The following CTDP1 variants were observed in gnomAD, a reference collection of about 807,000 sequenced individuals.
CTDP1 encodes RNA polymerase II subunit A C-terminal domain phosphatase.
CTDP1 carries 47 observed loss-of-function variants against 91.8 expected under a neutral mutation model. That is an observed-to-expected ratio of 0.51 (90% CI 0.41 to 0.65). The LOEUF is 0.65. Among genes scored for constraint, CTDP1 ranks in the 30% least tolerant of loss-of-function variants. CTDP1 has a pLI of 0.00. For missense variants in CTDP1, 1,272 were observed against 1,373.7 expected (o/e 0.93, Z 1.17); for synonymous variants, 656 against 598.5 (o/e 1.10, Z -1.40).
intron 1 of CTDP1, chr18:79,681,466 G>A: frequency 1.0e-6 from 1 of 985,428 alleles, no homozygotes; most frequent in Non-Finnish European, 1.2e-6. Context: ...CCCTACTGAG[G>A]TTTCATTCTG....
intron 2 of CTDP1, 87 bp from the exon 3 acceptor site, chr18:79,695,890 C>T (rs923563182): frequency 2.5e-5 from 26 of 1,057,882 alleles, no homozygotes; most frequent in Non-Finnish European, 3.5e-5. Flanking sequence ...GTTAAAACAT[C>T]AGCTAGAATC....
chr18:79,712,764 A>G (rs1007451262), intron 6 of CTDP1, among the ~76,000 whole-genome samples: 1 of 152,212 alleles, frequency 6.6e-6, no homozygotes, highest in Non-Finnish European at 1.5e-5. Flanking sequence ...CTCCTGCCTG[A>G]AGGAGAATCG....
chr18:79,719,130 T>A (rs529106946), intron 10 of CTDP1, among the ~76,000 whole-genome samples: 174 of 152,358 alleles, frequency 1.1e-3, no homozygotes, highest in Middle Eastern at 6.8e-3. Context: ...CCCAGCCGGC[T>A]TTCGGGAGAG....
chr18:79,682,537 C>G (rs758186942), intron 1 of CTDP1, among the ~76,000 whole-genome samples: 2 of 152,196 alleles, frequency 1.3e-5, no homozygotes, highest in Non-Finnish European at 2.9e-5. Context: ...AGCTAACCCT[C>G]GAACAACTTG....
At chr18:79,704,457 C>T (rs546806334) in intron 4 of CTDP1, among the ~76,000 whole-genome samples, 14 of 151,472 alleles carry the variant, frequency 9.2e-5, no homozygotes, top group African/African-American at 2.4e-4. Context: ...TACACGCACA[C>T]GTGTCCTCTG....
chr18:79,681,870 G>C (rs2085376431), intron 1 of CTDP1, among the ~76,000 whole-genome samples: 1 of 152,172 alleles, frequency 6.6e-6, no homozygotes, highest in Non-Finnish European at 1.5e-5. Context: ...ATTTGAGGTG[G>C]CTTCTTCCCC....
chr18:79,723,379 T>C (rs920651078), intron 10 of CTDP1, among the ~76,000 whole-genome samples: 1 of 152,196 alleles, frequency 6.6e-6, no homozygotes, highest in Non-Finnish European at 1.5e-5. Context: ...TGGTTCCTCA[T>C]TCTGTTCTCG....
At chr18:79,752,233 A>T (rs112218923) in intron 12 of CTDP1, among the ~76,000 whole-genome samples, 10 of 151,868 alleles carry the variant, frequency 6.6e-5, no homozygotes, top group Non-Finnish European at 8.8e-5. Flanking sequence ...AGGAAAGCCT[A>T]GTGGCACCGG....
chr18:79,696,078 G>A lies in CTDP1; in HGVS notation c.492+8G>A, dbSNP rs187068493. 54 of 1,609,380 alleles carry A rather than the reference G, an allele frequency of 3.4e-5. No individual in the cohort carries two copies. The highest frequency in any genetic ancestry group is 3.2e-4 in the African/African-American group (24 of 75,030). On this transcript the variant is annotated splice_region_variant and intron_variant, in intron 3 of 12. Transcript: ENST00000613122. ...TTGATGGTGAGCTCCGAGGTGAGCC[G>A]GGCATCAGTGGCGGCGTGTTGGGGA...
chr18:79,713,217 T>G lies in CTDP1; in HGVS notation c.1030+79T>G, dbSNP rs2122616505. 1 of 1,375,432 alleles carries G rather than the reference T, an allele frequency of 7.3e-7. No individual in the cohort carries two copies. The highest frequency in any genetic ancestry group is 2.4e-5 in the East Asian group (1 of 41,102). The allele number at this position is 1,375,432 out of a possible 1,614,324, so 85.2% of individuals were successfully genotyped here. A position where few individuals can be genotyped will look rare whatever the true frequency, so the allele number is the denominator to read the frequency against. On this transcript the variant is annotated intron_variant, in intron 7 of 12. Coordinates refer to ENST00000613122, the MANE Select transcript of CTDP1 (RefSeq NM_004715.5). This position sits in a 1 kb window ranked among gnomAD's most constrained non-coding sequence, Gnocchi z 4.7. ...AGCTCTTCTTATTTCTTATCTCTGT[T>G]TTGACTGCTATAAATTCAAGATACA...
At chr18:79,728,475 T>C (rs555556621) in intron 10 of CTDP1, among the ~76,000 whole-genome samples, 1 of 152,192 alleles carries the variant, frequency 6.6e-6, no homozygotes, top group East Asian at 1.9e-4. Flanking sequence ...TTTCGTAGCC[T>C]GGAGATGTTG....
rs983009502 is a variant in CTDP1, at chr18:79,679,915, C to G, written c.-33C>G. On this transcript the variant is annotated 5_prime_UTR_variant, in exon 1 of 13. Coordinates refer to ENST00000613122, the MANE Select transcript of CTDP1 (RefSeq NM_004715.5). ...CTGCGCTCTGAGCGCAGCGCAGGCCCCGTACCGACCGCCCGCCCGCCCTCT... is the reference window on the plus strand; with the variant it reads ...CTGCGCTCTGAGCGCAGCGCAGGCCGCGTACCGACCGCCCGCCCGCCCTCT... 7.2e-6 allele frequency: 10 copies of G among 1,380,208 alleles called. No homozygotes were observed. The African/African-American group carries it at 7.7e-5, about 11-fold the overall frequency. The allele number at this position is 1,380,208 out of a possible 1,614,324, so 85.5% of individuals were successfully genotyped here.
Position 79,744,589 on chromosome 18 carries a change from A to G in CTDP1, c.2747+8068A>G, listed in dbSNP as rs191474876. Reference sequence around the variant, plus strand: ...GCTAATATCAGAGAAGACTGAATTTAAACAAAGAATGCTTCTACAGGTAAA... The same window carrying G: ...GCTAATATCAGAGAAGACTGAATTTGAACAAAGAATGCTTCTACAGGTAAA... On this transcript the variant is annotated intron_variant, in intron 12 of 12. Coordinates refer to ENST00000613122, the MANE Select transcript of CTDP1 (RefSeq NM_004715.5). Among the ~76,000 whole-genome samples, 5 of 152,344 alleles carry G rather than the reference A, an allele frequency of 3.3e-5. No homozygotes were observed. In the East Asian group the frequency reaches 9.6e-4, roughly 29 times the overall value.
At chr18:79,695,450 C>T (rs1469391700) in intron 2 of CTDP1, 142 bp downstream of exon 2, 6 of 744,236 alleles carry the variant, frequency 8.1e-6, no homozygotes, top group East Asian at 2.7e-5. Flanking sequence ...GGGCCCCATA[C>T]GAGTCACACT....
chr18:79,722,378 G>T lies in CTDP1; in HGVS notation c.2417+4362G>T, dbSNP rs1439442366. 3.9e-5 allele frequency among the ~76,000 whole-genome samples: 6 copies of T among 152,318 alleles called. No homozygotes were observed. The East Asian group carries it at 9.6e-4, about 24-fold the overall frequency. On this transcript the variant is annotated intron_variant, in intron 10 of 12. Transcript: ENST00000613122. ...TGTGCCTTCCGTGAGGAAGATGCAC[G>T]CTGGGCTGTAGTTCATTTGAATAAG... is the stretch of plus-strand genomic sequence containing the variant.
At chr18:79,727,630 ATCT>A (rs1401315984) in intron 10 of CTDP1, among the ~76,000 whole-genome samples, 1 of 152,198 alleles carries the variant, frequency 6.6e-6, no homozygotes, top group Non-Finnish European at 1.5e-5. Flanking sequence ...TGGGCAGAAA[ATCT>A]TCTCTCCATT....
At position 79,746,301 on chromosome 18, in the gene CTDP1, G is replaced by A. The variant is rs536995114; in HGVS notation, c.2748-7351G>A. Among the ~76,000 whole-genome samples the A allele has an allele frequency of 3.1e-3, 369 of 117,740 alleles. 17 individuals are homozygous for A. Among genetic ancestry groups the A allele is most frequent in the African/African-American group, 0.012 (342 of 29,434 alleles). 77.2% of individuals were successfully genotyped at this position (117,740 alleles called of 152,430 possible). A position where few individuals can be genotyped will look rare whatever the true frequency, so the allele number is the denominator to read the frequency against. On this transcript the variant is annotated intron_variant, in intron 12 of 12. Transcript: ENST00000613122. ...CCTCCCGTGCGCGTTCTGTCCCTGC[G>A]TCCCTCCCGTGCGCGTTCTGTCCCC...
Position 79,742,059 on chromosome 18 carries a change from G to T in CTDP1, c.2747+5538G>T, listed in dbSNP as rs150360665. Among the ~76,000 whole-genome samples the T allele has an allele frequency of 3.9e-5, 6 of 152,186 alleles. No homozygotes were observed. In the East Asian group the frequency reaches 1.2e-3, roughly 29 times the overall value. On this transcript the variant is annotated intron_variant, in intron 12 of 12. Coordinates refer to ENST00000613122, the MANE Select transcript of CTDP1 (RefSeq NM_004715.5). ...CGGGAGCAGGGCTGGGGGCCCAGAG[G>T]AAGCATGAGGCGTCGTGGGAGAGAG...
chr18:79,714,670 A>G lies in CTDP1; in HGVS notation c.1210A>G (p.Arg404Gly), dbSNP rs759680323. The part of the protein sequence containing the change: ...DSPRPGKPDE[R>G]DIWPPAQAPT... ...ACCCCGCCCCGGGAAGCCAGACGAG[A>G]GGGACATCTGGCCCCCTGCCCAGGC... Residue 404 changes from arginine (R) to glycine (G), a missense_variant, in exon 8 of 13, where the codon AGG (arginine) becomes GGG (glycine). Physicochemically the swap from Arg to Gly is moderately radical, Grantham distance 125. This residue lies in a region of CTDP1 where 881 missense variants were observed against 911.6 expected (regional missense o/e 0.97). Coordinates refer to ENST00000613122, the MANE Select transcript of CTDP1 (RefSeq NM_004715.5). 1 of 1,611,706 alleles carries G rather than the reference A, an allele frequency of 6.2e-7. No individual in the cohort carries two copies. The highest frequency in any genetic ancestry group is 8.5e-7 in the Non-Finnish European group (1 of 1,179,432).
Sources: allele counts gnomAD v4.1 joint callset (sites outside exome capture counted in the v4.1 genomes callset), GRCh38; gene constraint gnomAD v4.1.1; regional missense constraint gnomAD v4.1.1; non-coding constraint Gnocchi (gnomAD v3.1); transcripts MANE v1.5; gene names NCBI Gene and HGNC (gene_info 2026-07-23, HGNC 2026-07-21).